The following KCNQ5 variants were observed in gnomAD, a reference collection of about 807,000 sequenced individuals.
KCNQ5 encodes the protein potassium voltage-gated channel subfamily KQT member 5.
KCNQ5 carries 30 observed loss-of-function variants against 98.2 expected under a neutral mutation model. The ratio of observed to expected loss-of-function variants is 0.31; its 90% CI spans 0.23 to 0.41. The LOEUF (loss-of-function observed/expected upper bound fraction) is 0.41. KCNQ5 is among the 10% of genes least tolerant of loss of function. The pLI is 1.00. For synonymous variants in KCNQ5, 458 were observed against 449.4 expected, an observed-to-expected ratio of 1.02 and a Z score of -0.24; for missense variants, 835 against 1,182.5, an observed-to-expected ratio of 0.71 and a Z score of 4.31.
chr6:72,834,820 C>G (rs916137294), intron 1 of KCNQ5, among the ~76,000 whole-genome samples: 4 of 152,012 alleles, frequency 2.6e-5, no homozygotes, highest in Admixed American at 2.6e-4. Context: ...TGTTGTATGG[C>G]TCTCAGATGG....
chr6:72,875,073 A>G (rs1778356520), intron 1 of KCNQ5, among the ~76,000 whole-genome samples: 1 of 152,126 alleles, frequency 6.6e-6, no homozygotes, highest in Admixed American at 6.6e-5. Context: ...GATTGATTTC[A>G]TTTTTAAAAG....
chr6:72,778,609 C>CA (rs58473368), intron 1 of KCNQ5, among the ~76,000 whole-genome samples: 3 of 150,782 alleles, frequency 2.0e-5, no homozygotes, highest in South Asian at 2.1e-4. Flanking sequence ...ATTCCCACCA[C>CA]AAAAAAAAAG....
chr6:72,930,540 G>A (rs773364063), intron 1 of KCNQ5, among the ~76,000 whole-genome samples: 1 of 119,134 alleles, frequency 8.4e-6, no homozygotes, highest in Non-Finnish European at 1.6e-5. Flanking sequence ...TTAACATGAT[G>A]AAGTTAATCA....
chr6:72,861,744 T>C (rs1203960127), intron 1 of KCNQ5, among the ~76,000 whole-genome samples: 2 of 151,988 alleles, frequency 1.3e-5, no homozygotes, highest in African/African-American at 4.8e-5. Flanking sequence ...CAAAATGATA[T>C]ATGTTTCGGG....
At chr6:73,178,704 G>A (rs1439998991) in intron 11 of KCNQ5, among the ~76,000 whole-genome samples, 5 of 152,080 alleles carry the variant, frequency 3.3e-5, no homozygotes, top group Admixed American at 3.3e-4. Flanking sequence ...GACTCCTGGG[G>A]TTCCTTGGTC....
At chr6:72,893,697 G>T (rs1453842585) in intron 1 of KCNQ5, among the ~76,000 whole-genome samples, 1 of 152,092 alleles carries the variant, frequency 6.6e-6, no homozygotes, top group African/African-American at 2.4e-5. Flanking sequence ...TGCTGCCCAG[G>T]CAGATATTAT....
At chr6:72,899,611 T>C (rs1050715649) in intron 1 of KCNQ5, among the ~76,000 whole-genome samples, 1 of 152,164 alleles carries the variant, frequency 6.6e-6, no homozygotes, top group Admixed American at 6.5e-5. Flanking sequence ...GTCAAACATA[T>C]TTACCCATAT....
intron 10 of KCNQ5, among the ~76,000 whole-genome samples, chr6:73,155,124 AGAGCTAAGCCT>A (rs549770140): frequency 2.0e-3 from 309 of 152,336 alleles, no homozygotes; most frequent in African/African-American, 7.2e-3. Context: ...TTGTCATTCC[AGAGCTAAGCCT>A]GAGGCTCTAA....
At chr6:72,841,756 T>C (rs1048520199) in intron 1 of KCNQ5, among the ~76,000 whole-genome samples, 2 of 152,170 alleles carry the variant, frequency 1.3e-5, no homozygotes, top group Non-Finnish European at 2.9e-5. Context: ...TAATCCTAAT[T>C]AAACAAAGTC....
At chr6:73,036,677 T>C (rs527849671) in intron 2 of KCNQ5, among the ~76,000 whole-genome samples, 8 of 152,338 alleles carry the variant, frequency 5.3e-5, no homozygotes, top group Admixed American at 3.9e-4. Flanking sequence ...GTATCAATAG[T>C]TCATTCATTT....
chr6:72,852,954 A>C (rs1234670179), intron 1 of KCNQ5, among the ~76,000 whole-genome samples: 1 of 152,010 alleles, frequency 6.6e-6, no homozygotes, highest in Non-Finnish European at 1.5e-5. Flanking sequence ...ACAGTCAGTG[A>C]CATCTCTTTT....
rs914861654 is a variant in KCNQ5 at position 72,686,653 on chromosome 6, A to T, written c.398+64066A>T. 3.4e-5 allele frequency among the ~76,000 whole-genome samples: 5 copies of T among 148,888 alleles called. No individual in the cohort carries two copies. The East Asian group carries it at 9.8e-4, about 29-fold the overall frequency. ...TTTTTAAAAATTTGTCTTCTATTGC[A>T]TCTGTAAGATGAAATTATAAATTAC... is the stretch of plus-strand genomic sequence containing the variant. On this transcript the variant is annotated intron_variant, in intron 1 of 13. Transcript: ENST00000370398.
Position 73,016,786 on chromosome 6 carries a change from C to T in KCNQ5, c.489+12788C>T, listed in dbSNP as rs369742039. On this transcript the variant is annotated intron_variant, in intron 2 of 13. Coordinates refer to ENST00000370398, the MANE Select transcript of KCNQ5 (RefSeq NM_019842.4). Reference sequence around the variant, plus strand: ...ATTGGTTTGTGCCTCACAGAAATTTCTGGGAGGGCTTTCCTCAGCAGATTA... The same window carrying T: ...ATTGGTTTGTGCCTCACAGAAATTTTTGGGAGGGCTTTCCTCAGCAGATTA... 3.3e-5 allele frequency among the ~76,000 whole-genome samples: 5 copies of T among 152,208 alleles called. No homozygotes were observed. In the East Asian group the frequency reaches 9.7e-4, roughly 29 times the overall value.
chr6:72,975,704 T>C (rs1768130945), intron 1 of KCNQ5, among the ~76,000 whole-genome samples: 1 of 152,224 alleles, frequency 6.6e-6, no homozygotes, highest in African/African-American at 2.4e-5. Context: ...AAGATTTTGT[T>C]TTCTGCTGTT....
At chr6:72,626,139 A>G (rs2098917886) in intron 1 of KCNQ5, among the ~76,000 whole-genome samples, 1 of 152,238 alleles carries the variant, frequency 6.6e-6, no homozygotes. Flanking sequence ...CCAGCAAGGG[A>G]CTACTACAAG....
intron 1 of KCNQ5, among the ~76,000 whole-genome samples, chr6:72,762,137 T>C (rs755486953): frequency 6.6e-6 from 1 of 152,042 alleles, no homozygotes; most frequent in Non-Finnish European, 1.5e-5. Context: ...AAGTGCCAGG[T>C]AAATCTGAAA....
intron 1 of KCNQ5, among the ~76,000 whole-genome samples, chr6:72,696,514 A>T (rs908230021): frequency 2.6e-5 from 4 of 152,234 alleles, no homozygotes; most frequent in Non-Finnish European, 5.9e-5. Flanking sequence ...TTTTCAAAAA[A>T]GATGCAGGTT....
chr6:72,921,217 A>C (rs1162596976), intron 1 of KCNQ5, among the ~76,000 whole-genome samples: 1 of 152,192 alleles, frequency 6.6e-6, no homozygotes, highest in African/African-American at 2.4e-5. Context: ...AGTTGAAAGG[A>C]AACAGCAGTA....
At chr6:72,730,104 C>G (rs550204898) in intron 1 of KCNQ5, among the ~76,000 whole-genome samples, 1 of 152,134 alleles carries the variant, frequency 6.6e-6, no homozygotes, top group African/African-American at 2.4e-5. Flanking sequence ...CTACAGTGAG[C>G]TATGATCACA....
Sources: allele counts gnomAD v4.1 joint callset (sites outside exome capture counted in the v4.1 genomes callset), GRCh38; gene constraint gnomAD v4.1.1; transcripts MANE v1.5; gene names NCBI Gene and HGNC (gene_info 2026-07-23, HGNC 2026-07-21).